The following PDE10A variants were observed in gnomAD, a reference collection of about 807,000 sequenced individuals.
PDE10A encodes cAMP and cAMP-inhibited cGMP 3',5'-cyclic phosphodiesterase 10A.
In PDE10A, 39 loss-of-function variants were observed where a neutral mutation model predicts 97.7. That is an observed-to-expected ratio of 0.40 (90% CI 0.31 to 0.52). The LOEUF (loss-of-function observed/expected upper bound fraction) is 0.52. Among genes scored for constraint, PDE10A ranks in the 20% least tolerant of loss-of-function variants. The probability of loss-of-function intolerance (pLI) is 0.56; values close to 1 mark genes in which losing one functional copy is unlikely to be tolerated. For missense variants in PDE10A, 731 were observed against 1,047.8 expected, an observed-to-expected ratio of 0.70 and a Z score of 4.17; for synonymous variants, 371 against 376.8, an observed-to-expected ratio of 0.98 and a Z score of 0.18.
chr6:165,666,643 T>TCCCGGCCC (rs1790504288), upstream of PDE10A, among the ~76,000 whole-genome samples: 1 of 152,052 alleles, frequency 6.6e-6, no homozygotes, highest in African/African-American at 2.4e-5. Context: ...ATTCACATGC[T>TCCCGGCCC]CCCGGCCCCC....
intron 13 of PDE10A, among the ~76,000 whole-genome samples, chr6:165,400,458 C>T (rs1262566592): frequency 1.3e-5 from 2 of 152,072 alleles, no homozygotes; most frequent in East Asian, 1.9e-4. Context: ...ATGAAAATGA[C>T]CTGTATCCAG....
At chr6:165,775,216 A>C (rs937474929) in intron 1 of PDE10A, 4 of 152,142 alleles carry the variant, frequency 2.6e-5, no homozygotes, top group African/African-American at 7.2e-5. Context: ...ACAAATGCAA[A>C]CCTCTGGAAA....
intron 1 of PDE10A, among the ~76,000 whole-genome samples, chr6:165,888,652 G>T (rs1012785972): frequency 2.8e-4 from 43 of 152,114 alleles, no homozygotes; most frequent in South Asian, 2.1e-4. Context: ...ATTTTTATTT[G>T]TTTGTTTGTG....
intron 1 of PDE10A, among the ~76,000 whole-genome samples, chr6:165,822,205 G>T (rs1200495200): frequency 1.3e-5 from 2 of 152,008 alleles, no homozygotes; most frequent in Admixed American, 1.3e-4. Flanking sequence ...CACCTGGATG[G>T]CACAGTCCAC....
rs796785092 is a variant in PDE10A at position 165,424,550 on chromosome 6, ATAT to A, written c.1653+4105_1653+4107del. Among the ~76,000 whole-genome samples, 48 of 152,324 alleles carry A rather than the reference ATAT, an allele frequency of 3.2e-4. 1 individual carries two copies. The highest frequency in any genetic ancestry group is 1.1e-3 in the African/African-American group (45 of 41,582). ...ATATCAAACATCAGGTGAACAAATA[ATAT>A]GTACATTATTTAAACCACTTTAGTC... On this transcript the variant is annotated intron_variant, in intron 10 of 21. Transcript: ENST00000539869.
intron 1 of PDE10A, among the ~76,000 whole-genome samples, chr6:165,861,309 A>C (rs945645313): frequency 2.6e-5 from 4 of 151,884 alleles, no homozygotes; most frequent in African/African-American, 9.7e-5. Flanking sequence ...ATGCATGACA[A>C]ACCTTCCTGC....
chr6:165,691,193 CTCTCTCTCCCCACACACACACA>C (rs1791282339), intron 1 of PDE10A, among the ~76,000 whole-genome samples: 4 of 65,438 alleles, frequency 6.1e-5, no homozygotes, highest in South Asian at 5.7e-4. Flanking sequence ...CTCTCCCTCT[CTCTCTCTCCCCACACACACACA>C]CACACACACA....
At chr6:165,390,011 C>T (rs220799) in intron 16 of PDE10A, among the ~76,000 whole-genome samples, 109,619 of 152,094 alleles carry the variant, frequency 0.72, 40,363 homozygotes, top group African/African-American at 0.84. Context: ...CTTGAAAAGA[C>T]TGAAGTGTTT....
intron 1 of PDE10A, among the ~76,000 whole-genome samples, chr6:165,568,030 GCT>G (rs946337892): frequency 1.7e-5 from 2 of 116,390 alleles, no homozygotes; most frequent in African/African-American, 3.3e-5. Context: ...ACGGAGTCTC[GCT>G]CTGTCGCCCA....
chr6:165,624,697 A>G (rs575636025), intron 1 of PDE10A, among the ~76,000 whole-genome samples: 2 of 152,324 alleles, frequency 1.3e-5, no homozygotes, highest in African/African-American at 4.8e-5. Context: ...TGTACCAGAC[A>G]CTGCTGCAGA....
rs1459064529 is a variant in PDE10A, at chr6:165,760,486, C to T, written c.-614-216918G>A. 2.0e-5 allele frequency among the ~76,000 whole-genome samples: 3 copies of T among 152,138 alleles called. No homozygotes were observed. The East Asian group carries it at 5.8e-4, about 29-fold the overall frequency. On this transcript the variant is annotated intron_variant, in intron 1 of 19. Transcript: ENST00000366882. ...TTACATAGATGTTTAGCAGATTGGA[C>T]CAGATTTTCTTATTTCCTTCTGTGT...
At chr6:165,921,281 C>T (rs1243853290) in intron 1 of PDE10A, among the ~76,000 whole-genome samples, 1 of 152,142 alleles carries the variant, frequency 6.6e-6, no homozygotes, top group African/African-American at 2.4e-5. Flanking sequence ...CTTAGATAGC[C>T]AGTTTGAAGG....
At chr6:165,480,976 A>G (rs1340091877) in intron 3 of PDE10A, among the ~76,000 whole-genome samples, 1 of 152,210 alleles carries the variant, frequency 6.6e-6, no homozygotes, top group Non-Finnish European at 1.5e-5. Flanking sequence ...AATTTGGCAT[A>G]ATGTAAGAGA....
chr6:165,889,214 C>T (rs1485902650), intron 1 of PDE10A, among the ~76,000 whole-genome samples: 1 of 152,166 alleles, frequency 6.6e-6, no homozygotes, highest in East Asian at 1.9e-4. Context: ...ATCATGCAGG[C>T]TCTATGGTGT....
At chr6:165,538,353 C>T (rs187992605) in intron 2 of PDE10A, among the ~76,000 whole-genome samples, 10 of 152,138 alleles carry the variant, frequency 6.6e-5, no homozygotes, top group African/African-American at 1.7e-4. Flanking sequence ...GATAGTGATA[C>T]GGTCGGCTAT....
intron 1 of PDE10A, among the ~76,000 whole-genome samples, chr6:165,659,063 T>C (rs1237916513): frequency 6.6e-6 from 1 of 152,180 alleles, no homozygotes; most frequent in Non-Finnish European, 1.5e-5. Flanking sequence ...TACTAAGTGT[T>C]GTTTGGTGCA....
At position 165,661,844 on chromosome 6, in the gene PDE10A, C is replaced by T. The variant is rs532325693; in HGVS notation, c.865+103G>A. On this transcript the variant is annotated intron_variant, in intron 1 of 21. Coordinates refer to ENST00000539869, the MANE Select transcript of PDE10A (RefSeq NM_001385079.1). This position sits in a 1 kb window ranked among gnomAD's most constrained non-coding sequence, Gnocchi z 4.8. The stretch of plus-strand genomic sequence containing the variant: ...GCGCTCCACGCCCGGGCACGGGCAC[C>T]TCGCTCGACACCCGCTTCCCACCCA... 8.0e-6 allele frequency: 5 copies of T among 625,996 alleles called. No individual in the cohort carries two copies. In the Admixed American group the frequency reaches 1.1e-4, roughly 13 times the overall value. The allele number at this position is 625,996 out of a possible 1,614,324, so 38.8% of individuals were successfully genotyped here.
At chr6:165,589,676 TC>T (rs1224839230) in intron 1 of PDE10A, among the ~76,000 whole-genome samples, 1 of 152,090 alleles carries the variant, frequency 6.6e-6, no homozygotes, top group Admixed American at 6.6e-5. Flanking sequence ...AAGGAGGCCT[TC>T]CTGGAGGAAG....
chr6:165,932,816 G>T (rs1054719178), intron 1 of PDE10A, among the ~76,000 whole-genome samples: 2 of 152,218 alleles, frequency 1.3e-5, no homozygotes, highest in Non-Finnish European at 2.9e-5. Context: ...GTTTCCGGGG[G>T]GCTTAGCCTT....
Sources: allele counts gnomAD v4.1 joint callset (sites outside exome capture counted in the v4.1 genomes callset), GRCh38; gene constraint gnomAD v4.1.1; non-coding constraint Gnocchi (gnomAD v3.1); transcripts MANE v1.5; gene names NCBI Gene and HGNC (gene_info 2026-07-23, HGNC 2026-07-21).